MELK: variants seen among roughly 807,000 people sequenced by gnomAD.
MELK encodes the protein maternal embryonic leucine zipper kinase.
MELK carries 81 observed loss-of-function variants against 85.0 expected under a neutral mutation model. That is an observed-to-expected ratio of 0.95 (90% confidence interval 0.80 to 1.15). The LOEUF is 1.15. Among genes scored for constraint, MELK ranks in the 50% most tolerant of loss-of-function variants. The probability of loss-of-function intolerance (pLI) is 0.00; values close to 1 mark genes in which losing one functional copy is unlikely to be tolerated. For synonymous variants in MELK, 252 were observed against 265.0 expected (o/e 0.95, Z 0.48); for missense variants, 754 against 777.5 (o/e 0.97, Z 0.36).
intron 8 of MELK, among the ~76,000 whole-genome samples, chr9:36,615,494 AC>A (rs1267413665): frequency 6.2e-4 from 51 of 82,840 alleles, no homozygotes; most frequent in South Asian, 1.6e-3. Context: ...GCGGGGGCTG[AC>A]CCCCCCCCAC....
chr9:36,600,754 G>C (rs1374729045), intron 7 of MELK, among the ~76,000 whole-genome samples: 1 of 152,182 alleles, frequency 6.6e-6, no homozygotes, highest in Non-Finnish European at 1.5e-5. Flanking sequence ...ACAGATAACA[G>C]CTGGTTCTGA....
chr9:36,667,067 T>C (rs1031983610), intron 14 of MELK, among the ~76,000 whole-genome samples: 3 of 152,112 alleles, frequency 2.0e-5, no homozygotes, highest in African/African-American at 7.2e-5. Context: ...TACAGTACCC[T>C]TTGTGACTCA....
chr9:36,669,522 G>A lies in MELK; in HGVS notation c.1505+116G>A, dbSNP rs1253719783. ...ATCACATAGATTCTGTTGGAGAGTA[G>A]GAATATCTGTTTATGTGTGGATGAC... On this transcript the variant is annotated intron_variant, in intron 15 of 17. Transcript: ENST00000298048. The A allele has an allele frequency of 8.3e-6, 6 of 727,258 alleles. No individual in the cohort carries two copies. The East Asian group carries it at 9.1e-5, about 11-fold the overall frequency. 45.1% of individuals were successfully genotyped at this position (727,258 alleles called of 1,614,324 possible). A position where few individuals can be genotyped will look rare whatever the true frequency, so the allele number is the denominator to read the frequency against.
At chr9:36,615,753 G>T (rs1285560348) in intron 8 of MELK, among the ~76,000 whole-genome samples, 1 of 148,284 alleles carries the variant, frequency 6.7e-6, no homozygotes, top group Non-Finnish European at 1.5e-5. Context: ...CATCTCAGAC[G>T]ATGGGCGGCT....
intron 13 of MELK, among the ~76,000 whole-genome samples, chr9:36,661,583 A>G (rs1831819499): frequency 6.6e-6 from 1 of 152,180 alleles, no homozygotes; most frequent in Non-Finnish European, 1.5e-5. Context: ...AAATAAAACA[A>G]TGAAACAAAT....
chr9:36,585,507 A>C (rs555260173), intron 3 of MELK, among the ~76,000 whole-genome samples: 7 of 151,908 alleles, frequency 4.6e-5, no homozygotes, highest in African/African-American at 9.7e-5. Flanking sequence ...GGATTTCATC[A>C]TGTTGGTCAG....
intron 8 of MELK, among the ~76,000 whole-genome samples, chr9:36,611,936 C>A (rs1376962982): frequency 6.6e-6 from 1 of 151,824 alleles, no homozygotes; most frequent in Non-Finnish European, 1.5e-5. Context: ...CTATGCCTGG[C>A]TAATTTTTGT....
chr9:36,665,370 A>G lies in MELK; in HGVS notation c.1197A>G (p.Glu399=). ...RTSQFTKYWT[E]SNGVESKSLT... is the part of the protein sequence containing the mutation. ...TCCAGTTTACCAAGTACTGGACAGA[A>G]TCAAATGGGGTGGAATCTAAATCAT... The change falls in exon 14 of 18, where the codon GAA becomes GAG. Residue 399 remains glutamate, a synonymous_variant. Coordinates refer to ENST00000298048, the MANE Select transcript of MELK (RefSeq NM_014791.4). 2 of 1,613,042 alleles carry G rather than the reference A, an allele frequency of 1.2e-6. No individual in the cohort carries two copies. The highest frequency in any genetic ancestry group is 1.7e-6 in the Non-Finnish European group (2 of 1,179,428).
chr9:36,623,736 C>G (rs1167751565), intron 8 of MELK, among the ~76,000 whole-genome samples: 1 of 152,242 alleles, frequency 6.6e-6, no homozygotes, highest in African/African-American at 2.4e-5. Context: ...CTTTTGGATA[C>G]AAGGCTTTTG....
chr9:36,642,987 T>G lies in MELK; in HGVS notation c.835-10T>G. 1 of 1,593,228 alleles carries G rather than the reference T, an allele frequency of 6.3e-7. No homozygotes were observed. Among genetic ancestry groups the G allele is most frequent in the Non-Finnish European group, 8.5e-7 (1 of 1,171,266 alleles). ...TTTTTGTTAATAAAGTGCATAATTT[T>G]TTTTTGTAGTTTATTCACCTCGATG... On this transcript the variant is annotated splice_polypyrimidine_tract_variant and intron_variant, in intron 10 of 17. Transcript: ENST00000298048.
At chr9:36,583,754 A>T (rs775068210) in intron 3 of MELK, 42 bp downstream of exon 3, 2 of 1,389,604 alleles carry the variant, frequency 1.4e-6, no homozygotes, top group Non-Finnish European at 2.0e-6. Flanking sequence ...CTTATAGATC[A>T]GTTTCGTGAA....
At position 36,671,064 on chromosome 9, in the gene MELK, CAA is replaced by C. The variant is rs1259402240; in HGVS notation, c.1574_1575del (p.Lys525SerfsTer6). The C allele has an allele frequency of 1.2e-6, 2 of 1,613,228 alleles. No individual in the cohort carries two copies. The stretch of plus-strand genomic sequence containing the variant: ...AGGAGACTCCAAAAAGAAAGGGAGC[CAA>C]AGTGTTTGGGAGCCTTGAAAGGGGG... Reference protein sequence around the residue: ...MEETPKRKGAKVFGSLERGLD... With the variant: ...MEETPKRKGAXVFGSLERGLD... On this transcript the variant is annotated frameshift_variant, in exon 16 of 18. Coordinates refer to ENST00000298048, the MANE Select transcript of MELK (RefSeq NM_014791.4). LOFTEE classifies it high-confidence loss of function.
At chr9:36,615,070 G>GCC (rs1826469282) in intron 8 of MELK, among the ~76,000 whole-genome samples, 1 of 120,268 alleles carries the variant, frequency 8.3e-6, no homozygotes, top group African/African-American at 4.1e-5. Flanking sequence ...CGGGGGGGCT[G>GCC]ACCCCCCCCC....
intron 10 of MELK, among the ~76,000 whole-genome samples, chr9:36,639,834 A>T (rs1829589490): frequency 6.6e-6 from 1 of 152,110 alleles, no homozygotes; most frequent in Admixed American, 6.5e-5. Context: ...TGCGGGAGAG[A>T]GGGGTTCTTT....
chr9:36,636,347 A>G (rs966235106), intron 10 of MELK, among the ~76,000 whole-genome samples: 24 of 151,928 alleles, frequency 1.6e-4, no homozygotes, highest in Non-Finnish European at 2.8e-4. Context: ...TAGTAAAAAT[A>G]CAAAATCAGC....
At chr9:36,631,587 A>G (rs1415119700) in intron 9 of MELK, among the ~76,000 whole-genome samples, 1 of 150,586 alleles carries the variant, frequency 6.6e-6, no homozygotes, top group Non-Finnish European at 1.5e-5. Context: ...TTTAAAAAAA[A>G]ATTTTATAGA....
At chr9:36,642,418 CTTTTTTTTTTTTTTTTT>C (rs34671966) in intron 10 of MELK, among the ~76,000 whole-genome samples, 1 of 84,774 alleles carries the variant, frequency 1.2e-5, no homozygotes, top group Admixed American at 1.4e-4. Flanking sequence ...TACAACAGAA[CTTTTTTTTTTTTTTTTT>C]TTTTTTTTTT....
intron 7 of MELK, 37 bp downstream of exon 7, chr9:36,599,523 A>C (rs767290732): frequency 1.3e-6 from 2 of 1,498,602 alleles, no homozygotes; most frequent in Non-Finnish European, 1.9e-6. Flanking sequence ...TATAATCAGC[A>C]GACATTTATA....
intron 8 of MELK, among the ~76,000 whole-genome samples, chr9:36,621,948 G>A (rs562828418): frequency 3.0e-4 from 45 of 152,238 alleles, no homozygotes; most frequent in Non-Finnish European, 6.0e-4. Flanking sequence ...TAATAAAAAA[G>A]TATATCCTAA....
Sources: gnomAD v4.1 joint callset for allele counts (sites outside exome capture counted in the v4.1 genomes callset) on GRCh38, gnomAD v4.1.1 for gene constraint, MANE v1.5 for transcripts, NCBI Gene and HGNC (gene_info 2026-07-23, HGNC 2026-07-21) for gene names.